Variants in HS6ST3 observed in about 807,000 individuals in gnomAD.
HS6ST3 encodes heparan-sulfate 6-O-sulfotransferase 3.
In HS6ST3, 12 loss-of-function variants were observed where a neutral mutation model predicts 36.7. The observed-to-expected ratio is 0.33, with a 90% CI of 0.21 to 0.53. The LOEUF (loss-of-function observed/expected upper bound fraction) is 0.53. Ranked by LOEUF, HS6ST3 falls within the 20% of genes least tolerant of loss-of-function variation. The probability of loss-of-function intolerance (pLI) is 0.95; values close to 1 mark genes in which losing one functional copy is unlikely to be tolerated. For missense variants in HS6ST3, 584 were observed against 640.9 expected, an observed-to-expected ratio of 0.91 and a Z score of 0.96; for synonymous variants, 240 against 257.5, an observed-to-expected ratio of 0.93 and a Z score of 0.65.
At chr13:96,367,465 C>T (rs1306126269) in intron 1 of HS6ST3, among the ~76,000 whole-genome samples, 5 of 152,178 alleles carry the variant, frequency 3.3e-5, no homozygotes. Context: ...TATTGATCCA[C>T]AACTTCCTCA....
Position 96,705,818 on chromosome 13 carries a change from C to T in HS6ST3, c.708-126672C>T, listed in dbSNP as rs371794283. Among the ~76,000 whole-genome samples the T allele has an allele frequency of 1.9e-3, 296 of 152,312 alleles. 1 individual carries two copies. Among genetic ancestry groups the T allele is most frequent in the African/African-American group, 6.8e-3 (281 of 41,574 alleles). ...CATGCTCAGTCTCCGTCCACCCACC[C>T]CACTGGCCTCTGGGCACAGGCACAG... is the stretch of plus-strand genomic sequence containing the variant. On this transcript the variant is annotated intron_variant, in intron 1 of 1. Coordinates refer to ENST00000376705, the MANE Select transcript of HS6ST3 (RefSeq NM_153456.4).
intron 1 of HS6ST3, among the ~76,000 whole-genome samples, chr13:96,462,747 G>A (rs555952008): frequency 1.3e-5 from 2 of 152,280 alleles, no homozygotes; most frequent in South Asian, 2.1e-4. Flanking sequence ...AGGCAATTTA[G>A]CAAATTACTG....
intron 1 of HS6ST3, among the ~76,000 whole-genome samples, chr13:96,565,475 G>A (rs1402673061): frequency 6.6e-6 from 1 of 152,090 alleles, no homozygotes; most frequent in Non-Finnish European, 1.5e-5. Context: ...CCATGGCAGT[G>A]ACTGGAAATG....
intron 1 of HS6ST3, among the ~76,000 whole-genome samples, chr13:96,417,883 A>C (rs2055542689): frequency 6.6e-6 from 1 of 151,990 alleles, no homozygotes; most frequent in Non-Finnish European, 1.5e-5. Context: ...GCCTCCAGTC[A>C]CAGTATTTTC....
intron 1 of HS6ST3, among the ~76,000 whole-genome samples, chr13:96,545,119 G>A (rs981622663): frequency 1.3e-5 from 2 of 152,086 alleles, no homozygotes; most frequent in Admixed American, 1.3e-4. Flanking sequence ...CATTATTTAT[G>A]CAGCCTGTGT....
chr13:96,701,735 G>A (rs1044702681), intron 1 of HS6ST3, among the ~76,000 whole-genome samples: 4 of 152,050 alleles, frequency 2.6e-5, no homozygotes, highest in Non-Finnish European at 4.4e-5. Context: ...TGAGGCAAGC[G>A]GATTTCTTGA....
chr13:96,725,670 ATG>A (rs371549749), intron 1 of HS6ST3, among the ~76,000 whole-genome samples: 81 of 148,184 alleles, frequency 5.5e-4, no homozygotes, highest in Middle Eastern at 3.5e-3. Flanking sequence ...ACTGAATTGC[ATG>A]TGTGTGTGTG....
At chr13:96,121,930 TGGCAATGAGGA>T (rs2053927389) in intron 1 of HS6ST3, among the ~76,000 whole-genome samples, 1 of 152,134 alleles carries the variant, frequency 6.6e-6, no homozygotes, top group South Asian at 2.1e-4. Flanking sequence ...ATCATTACCA[TGGCAATGAGGA>T]GTAACGTTTG....
chr13:96,212,012 CAG>C (rs1265679796), intron 1 of HS6ST3, among the ~76,000 whole-genome samples: 1 of 152,176 alleles, frequency 6.6e-6, no homozygotes, highest in African/African-American at 2.4e-5. Flanking sequence ...TTTCTCTAAC[CAG>C]AGTCAATTTA....
intron 1 of HS6ST3, among the ~76,000 whole-genome samples, chr13:96,721,810 C>T (rs1407804304): frequency 6.6e-6 from 1 of 152,092 alleles, no homozygotes; most frequent in African/African-American, 2.4e-5. Context: ...AAAATTACTG[C>T]AGTGAAACTT....
At chr13:96,245,760 C>A (rs555543781) in intron 1 of HS6ST3, among the ~76,000 whole-genome samples, 1 of 152,170 alleles carries the variant, frequency 6.6e-6, no homozygotes, top group East Asian at 1.9e-4. Flanking sequence ...TATTTTTTCC[C>A]ATGAAATCTA....
chr13:96,829,311 T>C (rs951371478), intron 1 of HS6ST3, among the ~76,000 whole-genome samples: 1 of 152,068 alleles, frequency 6.6e-6, no homozygotes, highest in Non-Finnish European at 1.5e-5. Flanking sequence ...CCAACTTTTT[T>C]TTTTCAATTT....
At chr13:96,228,328 G>A (rs1370548762) in intron 1 of HS6ST3, among the ~76,000 whole-genome samples, 2 of 152,122 alleles carry the variant, frequency 1.3e-5, no homozygotes, top group South Asian at 2.1e-4. Flanking sequence ...GCACAATCTT[G>A]GCTCACTGCA....
intron 1 of HS6ST3, among the ~76,000 whole-genome samples, chr13:96,589,906 A>G (rs907280306): frequency 6.6e-6 from 1 of 152,128 alleles, no homozygotes; most frequent in Admixed American, 6.6e-5. Flanking sequence ...TTTAATTTTT[A>G]TCTCCCACAT....
intron 1 of HS6ST3, among the ~76,000 whole-genome samples, chr13:96,677,155 A>T (rs2056701442): frequency 6.6e-6 from 1 of 152,184 alleles, no homozygotes; most frequent in African/African-American, 2.4e-5. Context: ...GGGGCAAAGT[A>T]CAAGAATGTC....
intron 1 of HS6ST3, among the ~76,000 whole-genome samples, chr13:96,721,412 T>C (rs1383427663): frequency 6.6e-6 from 1 of 152,148 alleles, no homozygotes; most frequent in African/African-American, 2.4e-5. Context: ...TTTGCATAAA[T>C]AATAATATTT....
At chr13:96,173,839 G>A (rs1318192606) in intron 1 of HS6ST3, among the ~76,000 whole-genome samples, 1 of 152,022 alleles carries the variant, frequency 6.6e-6, no homozygotes, top group East Asian at 1.9e-4. Flanking sequence ...GTGTGTGTGT[G>A]TGTGTGGATA....
At chr13:96,314,552 A>G (rs979921089) in intron 1 of HS6ST3, among the ~76,000 whole-genome samples, 2 of 152,196 alleles carry the variant, frequency 1.3e-5, no homozygotes, top group African/African-American at 4.8e-5. Flanking sequence ...CCCAATAGAT[A>G]AAGCAGTCTA....
chr13:96,458,401 G>T (rs1361125600), intron 1 of HS6ST3, among the ~76,000 whole-genome samples: 3 of 152,106 alleles, frequency 2.0e-5, no homozygotes, highest in Non-Finnish European at 4.4e-5. Context: ...AATATCCAGA[G>T]AAGTTTTTCT....
Sources: gnomAD v4.1 joint callset for allele counts (sites outside exome capture counted in the v4.1 genomes callset) on GRCh38, gnomAD v4.1.1 for gene constraint, MANE v1.5 for transcripts, NCBI Gene and HGNC (gene_info 2026-07-23, HGNC 2026-07-21) for gene names.